The following HTR1F variants were observed in gnomAD, a reference collection of about 807,000 sequenced individuals.
HTR1F encodes 5-hydroxytryptamine receptor 1F.
HTR1F carries 17 observed loss-of-function variants against 24.0 expected under a neutral mutation model. That is an observed-to-expected ratio of 0.71 (90% CI 0.48 to 1.06). HTR1F has a LOEUF of 1.06. HTR1F is among the 50% of genes least tolerant of loss of function. The pLI, the probability that HTR1F is intolerant of heterozygous loss-of-function variation, is 0.00. For synonymous variants in HTR1F, 186 were observed against 156.8 expected, an observed-to-expected ratio of 1.19 and a Z score of -1.39; for missense variants, 391 against 427.8, an observed-to-expected ratio of 0.91 and a Z score of 0.76.
chr3:87,810,072 G>T (rs2107094030), intron 1 of HTR1F, among the ~76,000 whole-genome samples: 1 of 150,880 alleles, frequency 6.6e-6, no homozygotes, highest in African/African-American at 2.4e-5. Context: ...TTTTTCTTTT[G>T]TCATTCCTTT....
chr3:87,967,513 C>T (rs867310174), intron 2 of HTR1F, among the ~76,000 whole-genome samples: 5 of 151,670 alleles, frequency 3.3e-5, no homozygotes, highest in African/African-American at 9.7e-5. Flanking sequence ...GCTGTGCCCA[C>T]CCAAACCTCA....
intron 2 of HTR1F, among the ~76,000 whole-genome samples, chr3:87,892,630 C>A (rs1373801109): frequency 6.6e-6 from 1 of 152,102 alleles, no homozygotes; most frequent in Non-Finnish European, 1.5e-5. Flanking sequence ...GGTAGGTGTT[C>A]CCGAAATGTT....
intron 2 of HTR1F, among the ~76,000 whole-genome samples, chr3:87,845,480 A>G (rs1704919778): frequency 6.7e-6 from 1 of 149,154 alleles, no homozygotes. Context: ...ACTCCCATTC[A>G]CAATTGCTTC....
At chr3:87,884,785 C>T (rs1469896752) in intron 2 of HTR1F, among the ~76,000 whole-genome samples, 1 of 152,134 alleles carries the variant, frequency 6.6e-6, no homozygotes, top group East Asian at 1.9e-4. Flanking sequence ...ATCAATTCAA[C>T]AAGAAGAGCT....
chr3:87,895,866 C>A (rs1334262382), intron 2 of HTR1F, among the ~76,000 whole-genome samples: 1 of 151,986 alleles, frequency 6.6e-6, no homozygotes, highest in Non-Finnish European at 1.5e-5. Context: ...GAGTTAATAG[C>A]TCTGGAACCA....
chr3:87,987,330 T>C (rs1705684124), intron 2 of HTR1F, among the ~76,000 whole-genome samples: 1 of 151,944 alleles, frequency 6.6e-6, no homozygotes, highest in Admixed American at 6.6e-5. Context: ...GCATTTTACC[T>C]GTAATCATTG....
At position 87,979,415 on chromosome 3, in the gene HTR1F, C is replaced by G. The variant is rs186483862; in HGVS notation, c.-42-11293C>G. Reference sequence around the variant, plus strand: ...GTCCTCTGTGTCCTAAGTCCGGCAGCCACGATAGTCATTTCTAGTTGGCCG... The same window carrying G: ...GTCCTCTGTGTCCTAAGTCCGGCAGGCACGATAGTCATTTCTAGTTGGCCG... On this transcript the variant is annotated intron_variant, in intron 2 of 2. Coordinates refer to ENST00000319595, the MANE Select transcript of HTR1F (RefSeq NM_001322209.2). 3.3e-3 allele frequency among the ~76,000 whole-genome samples: 502 copies of G among 152,246 alleles called. 3 individuals carry two copies. Among genetic ancestry groups the G allele is most frequent in the African/African-American group, 0.011 (442 of 41,540 alleles).
intron 2 of HTR1F, among the ~76,000 whole-genome samples, chr3:87,913,288 C>T (rs1467402891): frequency 6.6e-6 from 1 of 152,096 alleles, no homozygotes; most frequent in South Asian, 2.1e-4. Context: ...CATGAACAGA[C>T]ACCTTTCAAA....
intron 2 of HTR1F, among the ~76,000 whole-genome samples, chr3:87,909,955 G>A (rs73847712): frequency 0.09 from 13,603 of 151,894 alleles, 658 homozygotes; most frequent in African/African-American, 0.12. Flanking sequence ...CATATTAACC[G>A]ATTAACAGAT....
At chr3:87,859,598 A>G (rs1176184043) in intron 2 of HTR1F, among the ~76,000 whole-genome samples, 3 of 152,208 alleles carry the variant, frequency 2.0e-5, no homozygotes, top group South Asian at 2.1e-4. Context: ...GCAATGCTCA[A>G]TGAACTTAAA....
In HTR1F at chr3:87,819,534, A is replaced by G. The variant is rs186379297; in HGVS notation, c.-159-2474A>G. On this transcript the variant is annotated intron_variant, in intron 1 of 2. Transcript: ENST00000319595. ...TTTATTTTCTCTCTTGCCTTTTTTT[A>G]AAAAAGGCTTTGGATATCATCATTA... 3.9e-3 allele frequency among the ~76,000 whole-genome samples: 587 copies of G among 151,998 alleles called. 1 individual carries two copies. Among genetic ancestry groups the G allele is most frequent in the Non-Finnish European group, 6.9e-3 (467 of 67,960 alleles).
chr3:87,987,296 T>C (rs1012387451), intron 2 of HTR1F, among the ~76,000 whole-genome samples: 1 of 152,056 alleles, frequency 6.6e-6, no homozygotes, highest in Non-Finnish European at 1.5e-5. Flanking sequence ...ATGTTACTAA[T>C]ACATCTTGTT....
intron 2 of HTR1F, among the ~76,000 whole-genome samples, chr3:87,963,631 T>C (rs1248974865): frequency 3.9e-5 from 6 of 152,144 alleles, no homozygotes; most frequent in Non-Finnish European, 8.8e-5. Context: ...TTTTCTACAA[T>C]ATTAGGTCTT....
chr3:87,832,893 A>T (rs545223486), intron 2 of HTR1F, among the ~76,000 whole-genome samples: 1 of 152,334 alleles, frequency 6.6e-6, no homozygotes, highest in African/African-American at 2.4e-5. Flanking sequence ...AGATAGAGAA[A>T]ATATTTGCCA....
chr3:87,921,988 T>C (rs1002971164), intron 2 of HTR1F, among the ~76,000 whole-genome samples: 3 of 152,038 alleles, frequency 2.0e-5, no homozygotes, highest in African/African-American at 4.8e-5. Flanking sequence ...GCAATTAACA[T>C]GGGAGTGCAG....
chr3:87,983,562 G>T (rs970564900), intron 2 of HTR1F, among the ~76,000 whole-genome samples: 9 of 152,088 alleles, frequency 5.9e-5, no homozygotes, highest in Non-Finnish European at 1.2e-4. Context: ...ACCTCATCAG[G>T]ACCTCAAATT....
chr3:87,985,349 G>C (rs940320587), intron 2 of HTR1F, among the ~76,000 whole-genome samples: 5 of 148,308 alleles, frequency 3.4e-5, no homozygotes, highest in Non-Finnish European at 1.5e-5. Context: ...AAAAAAAAAA[G>C]CAAAGAAAAA....
intron 2 of HTR1F, among the ~76,000 whole-genome samples, chr3:87,883,838 A>G (rs1217808584): frequency 6.6e-6 from 1 of 152,180 alleles, no homozygotes; most frequent in Non-Finnish European, 1.5e-5. Context: ...GAAATATGGG[A>G]CTATATGAAA....
chr3:87,873,209 T>C lies in HTR1F; in HGVS notation c.-43+51085T>C, dbSNP rs548300481. 2.0e-5 allele frequency among the ~76,000 whole-genome samples: 3 copies of C among 152,162 alleles called. No individual in the cohort carries two copies. The East Asian group carries it at 5.8e-4, about 29-fold the overall frequency. On this transcript the variant is annotated intron_variant, in intron 2 of 2. Transcript: ENST00000319595. ...CCAAAAAGTGCCATTATCTGCCATCTGCAAGCTGGAGAACTAGAAACGCCA... is the reference window on the plus strand; with the variant it reads ...CCAAAAAGTGCCATTATCTGCCATCCGCAAGCTGGAGAACTAGAAACGCCA...
Sources: allele counts gnomAD v4.1 joint callset (sites outside exome capture counted in the v4.1 genomes callset), GRCh38; gene constraint gnomAD v4.1.1; transcripts MANE v1.5; gene names NCBI Gene and HGNC (gene_info 2026-07-23, HGNC 2026-07-21).